Variants in JAK2 observed in about 807,000 individuals in gnomAD.
The protein encoded by JAK2 is tyrosine-protein kinase JAK2.
A neutral mutation model predicts 139.3 loss-of-function variants in JAK2; 86 were observed. The observed-to-expected ratio is 0.62, with a 90% CI of 0.52 to 0.74. The LOEUF (loss-of-function observed/expected upper bound fraction) is 0.74, where lower values mean the gene tolerates loss of function less well. Among genes scored for constraint, JAK2 ranks in the 30% least tolerant of loss-of-function variants. The pLI, the probability that JAK2 is intolerant of heterozygous loss-of-function variation, is 0.00. For missense variants in JAK2, 1,421 were observed against 1,360.3 expected (o/e 1.04, Z -0.70); for synonymous variants, 490 against 437.7 (o/e 1.12, Z -1.49).
At chr9:5,019,666 C>T (rs1822286994) in intron 2 of JAK2, among the ~76,000 whole-genome samples, 1 of 152,196 alleles carries the variant, frequency 6.6e-6, no homozygotes, top group South Asian at 2.1e-4. Flanking sequence ...TCATCACTTC[C>T]ATTTTTTTGA....
rs1824173924 is a variant in JAK2 at position 5,128,902 on chromosome 9, A to G, written c.*2111A>G. Among the ~76,000 whole-genome samples, 1 of 152,038 alleles carries G rather than the reference A, an allele frequency of 6.6e-6. No homozygotes were observed. Among genetic ancestry groups the G allele is most frequent in the Non-Finnish European group, 1.5e-5 (1 of 67,880 alleles). On this transcript the variant is annotated 3_prime_UTR_variant, in exon 25 of 25. Transcript: ENST00000381652. The stretch of plus-strand genomic sequence containing the variant: ...AAACAAGGGTAAAGGTATTCTTAGA[A>G]TTATGTAATTCTGTAACTATTCCAG...
chr9:5,093,606 A>T lies in JAK2; in HGVS notation c.3059+2695A>T, dbSNP rs182200145. On this transcript the variant is annotated intron_variant, in intron 22 of 24. Transcript: ENST00000381652. ...GCCTTAACCTACTATCTCTGCATTA[A>T]AAATTTTGGTTGGGGTGACCTCATA... Among the ~76,000 whole-genome samples, 768 of 152,314 alleles carry T rather than the reference A, an allele frequency of 5.0e-3. 3 individuals are homozygous for T. The highest frequency in any genetic ancestry group is 6.9e-3 in the Non-Finnish European group (470 of 68,008).
rs1372257854 is a variant in JAK2 at position 5,128,681 on chromosome 9, G to C, written c.*1890G>C. Among the ~76,000 whole-genome samples the C allele has an allele frequency of 6.6e-6, 1 of 151,866 alleles. No individual in the cohort carries two copies. Among genetic ancestry groups the C allele is most frequent in the Non-Finnish European group, 1.5e-5 (1 of 67,820 alleles). ...TACATTCTTGTTTTTAGAATGGGGT[G>C]ACTACCTTATTATAAAATTCCAAGT... On this transcript the variant is annotated 3_prime_UTR_variant, in exon 25 of 25. Transcript: ENST00000381652.
chr9:5,121,287 T>C (rs981207811), intron 22 of JAK2, among the ~76,000 whole-genome samples: 1 of 152,172 alleles, frequency 6.6e-6, no homozygotes, highest in African/African-American at 2.4e-5. Flanking sequence ...CTCACCCTTT[T>C]ATATAGCCAA....
intron 2 of JAK2, among the ~76,000 whole-genome samples, chr9:5,010,019 G>C (rs141808791): frequency 6.6e-6 from 1 of 152,114 alleles, no homozygotes; most frequent in African/African-American, 2.4e-5. Context: ...CGATCCTCTC[G>C]CCTTGGACTT....
chr9:5,041,814 A>T, intron 4 of JAK2: 1 of 484,438 alleles, frequency 2.1e-6, no homozygotes, highest in Admixed American at 2.3e-5. Context: ...GCACAGCAAA[A>T]ACCAGGCGCT....
chr9:5,090,751 C>A lies in JAK2; in HGVS notation c.2899C>A (p.Leu967Ile). 1.2e-6 allele frequency: 2 copies of A among 1,602,832 alleles called. No individual in the cohort carries two copies. The highest frequency in any genetic ancestry group is 1.7e-6 in the Non-Finnish European group (2 of 1,177,016). ...GTTTTATCCATAGGGTATGGAGTAT[C>A]TTGGTACAAAAAGGTATATCCACAG... Reference protein sequence around the residue: ...TSQICKGMEYLGTKRYIHRDL... With the variant: ...TSQICKGMEYIGTKRYIHRDL... The change falls in exon 22 of 25, where the codon CTT becomes ATT. Residue 967 changes from leucine (L) to isoleucine (I), a missense_variant. Leu to Ile is a conservative substitution (Grantham distance 5, BLOSUM62 2). Coordinates refer to ENST00000381652, the MANE Select transcript of JAK2 (RefSeq NM_004972.4).
At chr9:5,117,482 C>A (rs117635926) in intron 22 of JAK2, among the ~76,000 whole-genome samples, 27 of 152,218 alleles carry the variant, frequency 1.8e-4, no homozygotes, top group Non-Finnish European at 3.2e-4. Flanking sequence ...GTTATTTGCT[C>A]TTTTCACTCA....
rs1320352597 is a variant in JAK2 at position 5,129,337 on chromosome 9, C to T, written c.*2546C>T. Among the ~76,000 whole-genome samples the T allele has an allele frequency of 4.6e-5, 7 of 152,072 alleles. No individual in the cohort carries two copies. Among genetic ancestry groups the T allele is most frequent in the African/African-American group, 1.7e-4 (7 of 41,424 alleles). The stretch of plus-strand genomic sequence containing the variant: ...TACCTAACCAAGGAAACGGGCCACA[C>T]ACCTTGGTTTAGGGATGTTGTGATA... On this transcript the variant is annotated 3_prime_UTR_variant, in exon 25 of 25. Coordinates refer to ENST00000381652, the MANE Select transcript of JAK2 (RefSeq NM_004972.4).
intron 2 of JAK2, among the ~76,000 whole-genome samples, chr9:5,014,545 G>A (rs920498672): frequency 1.3e-5 from 2 of 152,158 alleles, no homozygotes; most frequent in African/African-American, 4.8e-5. Flanking sequence ...CAGAACAGCT[G>A]TGGCCACTTG....
At chr9:5,086,802 T>G (rs1820150399) in intron 19 of JAK2, among the ~76,000 whole-genome samples, 1 of 152,338 alleles carries the variant, frequency 6.6e-6, no homozygotes, top group South Asian at 2.1e-4. Flanking sequence ...TCTTTCACAC[T>G]TTCTTCTTAT....
intron 4 of JAK2, among the ~76,000 whole-genome samples, chr9:5,038,169 T>C (rs1816206387): frequency 6.6e-6 from 1 of 152,202 alleles, no homozygotes; most frequent in South Asian, 2.1e-4. Flanking sequence ...ATACAGTGTT[T>C]TTAATGCCAA....
intron 4 of JAK2, chr9:5,041,747 C>G (rs530571302): frequency 2.0e-6 from 1 of 491,562 alleles, no homozygotes; most frequent in Admixed American, 2.3e-5. Flanking sequence ...CGACCCCCAT[C>G]AGCAGTGTCC....
chr9:5,090,657 A>G (rs1216426469), intron 21 of JAK2, 82 bp from the exon 22 acceptor site: 5 of 1,514,292 alleles, frequency 3.3e-6, no homozygotes, highest in Non-Finnish European at 4.4e-6. Context: ...TTCATAGATA[A>G]TAAAGGGAAT....
At chr9:5,086,221 G>T (rs1050961320) in intron 19 of JAK2, 6 of 604,744 alleles carry the variant, frequency 9.9e-6, no homozygotes, top group African/African-American at 6.0e-5. Flanking sequence ...GCGAGGCCAC[G>T]GTCGGAGTCT....
At position 5,029,912 on chromosome 9, in the gene JAK2, T is replaced by G. The variant is rs753508497; in HGVS notation, c.350+6T>G. Reference sequence around the variant, plus strand: ...AATGTACTCTACAGAATAAGGTACTTTCTTCAGTAAAGTAACTCACTTAAT... The same window carrying G: ...AATGTACTCTACAGAATAAGGTACTGTCTTCAGTAAAGTAACTCACTTAAT... On this transcript the variant is annotated splice_donor_region_variant and intron_variant, in intron 4 of 24. Coordinates refer to ENST00000381652, the MANE Select transcript of JAK2 (RefSeq NM_004972.4). 9.5e-6 allele frequency: 15 copies of G among 1,576,046 alleles called. No individual in the cohort carries two copies. The South Asian group carries it at 1.7e-4, about 18-fold the overall frequency.
intron 14 of JAK2, 112 bp downstream of exon 14, chr9:5,073,897 C>A: frequency 1.5e-6 from 1 of 683,886 alleles, no homozygotes; most frequent in Non-Finnish European, 2.5e-6. Flanking sequence ...TATAATTTAA[C>A]AGGAGTTAAG....
chr9:5,001,568 T>C (rs1490162212), intron 2 of JAK2, among the ~76,000 whole-genome samples: 1 of 152,116 alleles, frequency 6.6e-6, no homozygotes, highest in Non-Finnish European at 1.5e-5. Flanking sequence ...CCTTTTTATA[T>C]GCTCCTGGTT....
At chr9:5,122,642 T>C (rs1472506451) in intron 22 of JAK2, among the ~76,000 whole-genome samples, 3 of 152,082 alleles carry the variant, frequency 2.0e-5, no homozygotes, top group African/African-American at 7.2e-5. Context: ...TATATCCATA[T>C]TCATGGTTAT....
Sources: gnomAD v4.1 joint callset for allele counts (sites outside exome capture counted in the v4.1 genomes callset) on GRCh38, gnomAD v4.1.1 for gene constraint, MANE v1.5 for transcripts, NCBI Gene and HGNC (gene_info 2026-07-23, HGNC 2026-07-21) for gene names.